The following TFG variants were observed in gnomAD, a reference collection of about 807,000 sequenced individuals.
TFG encodes the protein protein TFG.
TFG carries 22 observed loss-of-function variants against 51.4 expected under a neutral mutation model. The ratio of observed to expected loss-of-function variants is 0.43; its 90% CI spans 0.31 to 0.61. TFG has a LOEUF of 0.61. Among genes scored for constraint, TFG ranks in the 20% least tolerant of loss-of-function variants. TFG has a pLI of 0.12. For synonymous variants in TFG, 187 were observed against 165.6 expected, an observed-to-expected ratio of 1.13 and a Z score of -0.99; for missense variants, 419 against 487.7, an observed-to-expected ratio of 0.86 and a Z score of 1.33.
chr3:100,740,526 G>T (rs1397945982), intron 6 of TFG, among the ~76,000 whole-genome samples: 1 of 152,106 alleles, frequency 6.6e-6, no homozygotes, highest in African/African-American at 2.4e-5. Context: ...TGGTATACAG[G>T]TCAGCCCTAT....
rs746097471 is a variant in TFG at position 100,748,535 on chromosome 3, G to A, written c.*4G>A. 5.6e-6 allele frequency: 9 copies of A among 1,607,968 alleles called. No individual in the cohort carries two copies. The South Asian group carries it at 9.9e-5, about 18-fold the overall frequency. Reference sequence around the variant, plus strand: ...ACCTGGACCTGGTTATCGATAAGGAGGCTCCTCTACACCAATTAATGTAGC... The same window carrying A: ...ACCTGGACCTGGTTATCGATAAGGAAGCTCCTCTACACCAATTAATGTAGC... On this transcript the variant is annotated 3_prime_UTR_variant, in exon 8 of 8. Transcript: ENST00000240851.
intron 2 of TFG, among the ~76,000 whole-genome samples, chr3:100,719,537 T>C: frequency 6.6e-6 from 1 of 152,218 alleles, no homozygotes; most frequent in East Asian, 1.9e-4. Context: ...ATTAAAGCAG[T>C]TTTGCAACAG....
At chr3:100,721,453 T>C (rs1366483187) in intron 3 of TFG, among the ~76,000 whole-genome samples, 1 of 152,070 alleles carries the variant, frequency 6.6e-6, no homozygotes, top group Non-Finnish European at 1.5e-5. Context: ...AAAAAGAATA[T>C]TTTAGAAAAG....
In TFG at chr3:100,732,689, C is replaced by T. The variant is rs1280385121; in HGVS notation, c.580+17C>T. On this transcript the variant is annotated intron_variant, in intron 5 of 7. Coordinates refer to ENST00000240851, the MANE Select transcript of TFG (RefSeq NM_006070.6). Reference sequence around the variant, plus strand: ...AGGTTTCAGGTAAGTTGGTTTCCAACTCCTTTACACCCTTCGTTTCCTTCA... The same window carrying T: ...AGGTTTCAGGTAAGTTGGTTTCCAATTCCTTTACACCCTTCGTTTCCTTCA... The T allele has an allele frequency of 2.5e-6, 4 of 1,578,272 alleles. No homozygotes were observed. The highest frequency in any genetic ancestry group is 1.2e-5 in the South Asian group (1 of 86,018).
chr3:100,712,473 A>G (rs1303685791), intron 1 of TFG, among the ~76,000 whole-genome samples: 1 of 152,228 alleles, frequency 6.6e-6, no homozygotes, highest in African/African-American at 2.4e-5. Context: ...GATACCTTGA[A>G]AAGTCTCAAG....
intron 5 of TFG, among the ~76,000 whole-genome samples, chr3:100,733,216 CT>C (rs1419661886): frequency 3.9e-5 from 6 of 151,970 alleles, no homozygotes; most frequent in African/African-American, 1.4e-4. Flanking sequence ...TGCTTTTTCT[CT>C]TTTCGGATTC....
chr3:100,742,866 T>C (rs2095124993), intron 6 of TFG: 1 of 149,970 alleles, frequency 6.7e-6, no homozygotes, highest in Non-Finnish European at 1.5e-5. Context: ...TCAAAATCAA[T>C]TTATAGCAGT....
chr3:100,748,567 C>G lies in TFG; in HGVS notation c.*36C>G. 6.4e-7 allele frequency: 1 copy of G among 1,556,408 alleles called. No homozygotes were observed. The highest frequency in any genetic ancestry group is 1.4e-5 in the African/African-American group (1 of 73,158). On this transcript the variant is annotated 3_prime_UTR_variant, in exon 8 of 8. Transcript: ENST00000240851. ...CTACACCAATTAATGTAGCTGCTAG[C>G]TATTGGCCTCCCAAAAGACTCCAGT... is the stretch of plus-strand genomic sequence containing the variant.
chr3:100,728,539 A>G (rs2095082265), intron 3 of TFG, among the ~76,000 whole-genome samples, 173 bp from the exon 4 acceptor site: 1 of 151,944 alleles, frequency 6.6e-6, no homozygotes, highest in Non-Finnish European at 1.5e-5. Flanking sequence ...TTTTTCCAAA[A>G]TAAGTTATTA....
Position 100,748,422 on chromosome 3 carries a change from C to T in TFG, c.1094C>T (p.Ser365Leu), listed in dbSNP as rs1288104441. The change falls in exon 8 of 8, where the codon TCA becomes TTA. Residue 365 changes from serine to leucine, a missense_variant. Physicochemically the swap from Ser to Leu is moderately radical, Grantham distance 145. Transcript: ENST00000240851. ...GAYQPRPGFT[S>L]LPGSTMTPPP... ...TATCAACCAAGACCAGGTTTTACTT[C>T]ACTTCCTGGAAGTACCATGACCCCT... 1.9e-6 allele frequency: 3 copies of T among 1,614,032 alleles called. No homozygotes were observed. The highest frequency in any genetic ancestry group is 1.3e-5 in the African/African-American group (1 of 74,938).
At chr3:100,736,470 CT>C (rs2095106533) in intron 5 of TFG, 105 bp from the exon 6 acceptor site, 1 of 1,258,362 alleles carries the variant, frequency 7.9e-7, no homozygotes, top group South Asian at 1.5e-5. Context: ...TGGTTATATA[CT>C]TATTCTATAG....
At chr3:100,711,992 A>G (rs745681029) in intron 1 of TFG, among the ~76,000 whole-genome samples, 7 of 152,244 alleles carry the variant, frequency 4.6e-5, no homozygotes, top group Non-Finnish European at 8.8e-5. Context: ...GAGAACTGGC[A>G]GATAAAAAGC....
chr3:100,716,089 T>C (rs13315123), intron 2 of TFG, among the ~76,000 whole-genome samples: 4,526 of 152,270 alleles, frequency 0.03, 182 homozygotes, highest in African/African-American at 0.092. Flanking sequence ...ATTCTCCTTC[T>C]AGCTATTTGA....
At chr3:100,714,748 T>C (rs591728) in intron 2 of TFG, among the ~76,000 whole-genome samples, 37,048 of 152,094 alleles carry the variant, frequency 0.24, 5,417 homozygotes, top group Non-Finnish European at 0.34. Context: ...CAAAAGTGTT[T>C]CTTTATTGTA....
chr3:100,732,569 G>A lies in TFG; in HGVS notation c.477G>A (p.Gln159=). ...ATTCTTCTGGAAAACAGTCTACTCA[G>A]GTTATGGCAGCAAGTATGTCTGCTT... ...ASDSSGKQST[Q]VMAASMSAFD... is the part of the protein sequence containing the mutation. Residue 159 remains glutamine, a synonymous_variant, in exon 5 of 8, where the codon CAG becomes CAA. Transcript: ENST00000240851. 6.2e-7 allele frequency: 1 copy of A among 1,613,044 alleles called. No individual in the cohort carries two copies. Among genetic ancestry groups the A allele is most frequent in the Non-Finnish European group, 8.5e-7 (1 of 1,179,436 alleles).
chr3:100,713,940 GC>G, intron 2 of TFG, 71 bp downstream of exon 2: 1 of 1,041,746 alleles, frequency 9.6e-7, no homozygotes, highest in Non-Finnish European at 1.3e-6. Flanking sequence ...AGCCTCTGTT[GC>G]CCAGGCTGGA....
intron 6 of TFG, among the ~76,000 whole-genome samples, chr3:100,740,249 T>C (rs1015406562): frequency 2.6e-5 from 4 of 152,176 alleles, no homozygotes; most frequent in Admixed American, 6.6e-5. Context: ...TAGACAGATA[T>C]CCCGGAATGG....
chr3:100,740,933 G>A (rs1576376147), intron 6 of TFG, among the ~76,000 whole-genome samples: 2 of 152,228 alleles, frequency 1.3e-5, no homozygotes, highest in Admixed American at 1.3e-4. Context: ...TTATAATGGA[G>A]GTGAAAAATT....
intron 3 of TFG, among the ~76,000 whole-genome samples, chr3:100,727,598 C>T (rs932237808): frequency 4.6e-5 from 7 of 152,060 alleles, no homozygotes; most frequent in African/African-American, 2.4e-5. Flanking sequence ...TAAAAATAAC[C>T]TGAGTGGTGA....
Sources: gnomAD v4.1 joint callset for allele counts (sites outside exome capture counted in the v4.1 genomes callset) on GRCh38, gnomAD v4.1.1 for gene constraint, MANE v1.5 for transcripts, NCBI Gene and HGNC (gene_info 2026-07-23, HGNC 2026-07-21) for gene names.